DENND5B: variants seen among roughly 807,000 people sequenced by gnomAD.
DENND5B encodes the protein DENN domain containing 5B, also known as DENN domain-containing protein 5B.
In DENND5B, 34 loss-of-function variants were observed where a neutral mutation model predicts 140.6. The ratio of observed to expected loss-of-function variants is 0.24; its 90% CI spans 0.18 to 0.32. DENND5B has a LOEUF of 0.32. Ranked by LOEUF, DENND5B falls within the 10% of genes least tolerant of loss-of-function variation. The pLI is 1.00. For missense variants in DENND5B, 1,142 were observed against 1,560.2 expected (o/e 0.73, Z 4.52); for synonymous variants, 551 against 562.1 (o/e 0.98, Z 0.28).
chr12:31,551,061 G>A (rs1003927048), intron 1 of DENND5B, among the ~76,000 whole-genome samples: 1 of 152,094 alleles, frequency 6.6e-6, no homozygotes, highest in African/African-American at 2.4e-5. Flanking sequence ...AAGCTCTTTA[G>A]TTTCATTAGA....
intron 13 of DENND5B, among the ~76,000 whole-genome samples, chr12:31,412,973 C>T (rs569054113): frequency 2.6e-5 from 4 of 151,966 alleles, no homozygotes; most frequent in South Asian, 2.1e-4. Flanking sequence ...CAGACTGGAG[C>T]GCAGTGACAT....
At chr12:31,484,824 C>T (rs777826822) in intron 2 of DENND5B, among the ~76,000 whole-genome samples, 4 of 148,902 alleles carry the variant, frequency 2.7e-5, no homozygotes, top group African/African-American at 5.1e-5. Flanking sequence ...CAAAACAAAA[C>T]AAAATAAAAT....
chr12:31,536,144 C>A (rs1018218143), intron 1 of DENND5B, among the ~76,000 whole-genome samples: 1 of 152,114 alleles, frequency 6.6e-6, no homozygotes, highest in African/African-American at 2.4e-5. Context: ...AGAAGTCGAG[C>A]AGATGTCAGA....
At chr12:31,564,847 C>T (rs11051466) in intron 1 of DENND5B, among the ~76,000 whole-genome samples, 2,107 of 152,144 alleles carry the variant, frequency 0.014, 17 homozygotes, top group Non-Finnish European at 0.023. Context: ...CCTCTGCCTC[C>T]CTAAGTGCTA....
chr12:31,480,624 A>G (rs1388930949), intron 2 of DENND5B, among the ~76,000 whole-genome samples: 1 of 152,216 alleles, frequency 6.6e-6, no homozygotes, highest in Non-Finnish European at 1.5e-5. Context: ...TTGCTGTATC[A>G]ACGACTTGAA....
chr12:31,403,262 G>C (rs1381731413), intron 14 of DENND5B, among the ~76,000 whole-genome samples: 1 of 152,278 alleles, frequency 6.6e-6, no homozygotes, highest in African/African-American at 2.4e-5. Context: ...TGACTCACAC[G>C]CAAGAGGAGC....
At chr12:31,415,281 C>A in intron 12 of DENND5B, 86 bp downstream of exon 12, 1 of 1,024,568 alleles carries the variant, frequency 9.8e-7, no homozygotes, top group Non-Finnish European at 1.4e-6. Flanking sequence ...TAAACACAGC[C>A]ATAATCATTT....
chr12:31,531,216 T>C (rs1478275060), intron 1 of DENND5B, among the ~76,000 whole-genome samples: 1 of 152,156 alleles, frequency 6.6e-6, no homozygotes, highest in Non-Finnish European at 1.5e-5. Context: ...CCTTTTTACT[T>C]TGAGACGGAG....
At chr12:31,460,771 G>C (rs1414816388) in intron 3 of DENND5B, among the ~76,000 whole-genome samples, 4 of 152,186 alleles carry the variant, frequency 2.6e-5, no homozygotes, top group Non-Finnish European at 5.9e-5. Context: ...TGTTGCCCAA[G>C]CTGGAGTGCA....
chr12:31,536,775 A>C (rs555485519), intron 1 of DENND5B, among the ~76,000 whole-genome samples: 1 of 152,214 alleles, frequency 6.6e-6, no homozygotes, highest in Non-Finnish European at 1.5e-5. Flanking sequence ...AGCTATCTCA[A>C]GCCATTTCAT....
At chr12:31,548,699 C>G (rs925872336) in intron 1 of DENND5B, among the ~76,000 whole-genome samples, 1 of 152,180 alleles carries the variant, frequency 6.6e-6, no homozygotes, top group Non-Finnish European at 1.5e-5. Flanking sequence ...TTAATCAAAC[C>G]TCTTCCTCCT....
chr12:31,416,339 C>T (rs765741599), intron 11 of DENND5B, among the ~76,000 whole-genome samples: 2 of 151,952 alleles, frequency 1.3e-5, no homozygotes, highest in Admixed American at 1.3e-4. Flanking sequence ...TCTTGGCTCA[C>T]TGCAACCTCC....
chr12:31,432,275 A>C (rs2137828224), intron 8 of DENND5B: 8 of 205,526 alleles, frequency 3.9e-5, no homozygotes, highest in Non-Finnish European at 6.8e-5. Context: ...AGGGAAGAAA[A>C]TACAGTAGCC....
intron 1 of DENND5B, among the ~76,000 whole-genome samples, chr12:31,506,781 G>C (rs1424268761): frequency 1.3e-5 from 2 of 152,160 alleles, no homozygotes; most frequent in African/African-American, 2.4e-5. Context: ...GAGATATATA[G>C]GGTAAGATCA....
intron 7 of DENND5B, among the ~76,000 whole-genome samples, chr12:31,442,251 ACT>A (rs1355840104): frequency 1.3e-5 from 2 of 152,042 alleles, no homozygotes; most frequent in Admixed American, 1.3e-4. Flanking sequence ...CTGTTGCTAA[ACT>A]CTCTTATGTT....
At chr12:31,451,738 A>C in intron 5 of DENND5B, 1 of 586,508 alleles carries the variant, frequency 1.7e-6, no homozygotes, top group Non-Finnish European at 2.9e-6. Flanking sequence ...TGCTTGTAAA[A>C]TTATTTTATC....
chr12:31,550,310 T>G (rs555858511), intron 1 of DENND5B, among the ~76,000 whole-genome samples: 2 of 147,184 alleles, frequency 1.4e-5, no homozygotes, highest in Admixed American at 7.0e-5. Flanking sequence ...TGAGAACATG[T>G]GGTGTTTGGT....
At chr12:31,507,340 A>C (rs1033314528) in intron 1 of DENND5B, among the ~76,000 whole-genome samples, 1 of 152,290 alleles carries the variant, frequency 6.6e-6, no homozygotes. Flanking sequence ...CAAAAAAATA[A>C]AAATGTTTCT....
chr12:31,525,307 G>T (rs1948047893), intron 1 of DENND5B, among the ~76,000 whole-genome samples: 1 of 152,166 alleles, frequency 6.6e-6, no homozygotes, highest in African/African-American at 2.4e-5. Flanking sequence ...ATCAACTGAT[G>T]AATGAAAAAC....
Sources: gnomAD v4.1 joint callset for allele counts (sites outside exome capture counted in the v4.1 genomes callset) on GRCh38, gnomAD v4.1.1 for gene constraint, MANE v1.5 for transcripts, NCBI Gene and HGNC (gene_info 2026-07-23, HGNC 2026-07-21) for gene names.